CPA6: variants seen among roughly 807,000 people sequenced by gnomAD.
CPA6 encodes carboxypeptidase A6, also known as carboxypeptidase B.
CPA6 carries 58 observed loss-of-function variants against 63.3 expected under a neutral mutation model. The ratio of observed to expected loss-of-function variants is 0.92; its 90% CI spans 0.74 to 1.14. CPA6 has a LOEUF of 1.14. Among genes scored for constraint, CPA6 ranks in the 50% most tolerant of loss-of-function variants. The probability of loss-of-function intolerance (pLI) is 0.00; values close to 1 mark genes in which losing one functional copy is unlikely to be tolerated. For synonymous variants in CPA6, 185 were observed against 179.0 expected (o/e 1.03, Z -0.27); for missense variants, 565 against 526.6 (o/e 1.07, Z -0.71).
chr8:67,532,527 C>T (rs1026949462), intron 2 of CPA6, among the ~76,000 whole-genome samples: 1 of 151,782 alleles, frequency 6.6e-6, no homozygotes, highest in African/African-American at 2.4e-5. Context: ...ACAAAAAATA[C>T]GAAAATTAGC....
At chr8:67,606,233 G>A (rs949305053) in intron 2 of CPA6, among the ~76,000 whole-genome samples, 2 of 151,228 alleles carry the variant, frequency 1.3e-5, no homozygotes, top group Non-Finnish European at 2.9e-5. Context: ...CTAATGCTAA[G>A]TGATGAGTTA....
At chr8:67,670,363 C>T (rs572048014) in intron 1 of CPA6, among the ~76,000 whole-genome samples, 30 of 152,172 alleles carry the variant, frequency 2.0e-4, no homozygotes, top group African/African-American at 5.3e-4. Flanking sequence ...AACCAGATCT[C>T]GTGAGCACTT....
At chr8:67,657,120 G>A (rs908806165) in intron 1 of CPA6, among the ~76,000 whole-genome samples, 37 of 152,132 alleles carry the variant, frequency 2.4e-4, no homozygotes, top group African/African-American at 8.5e-4. Context: ...AGAAGAGTAT[G>A]GTTGCAAATC....
intron 2 of CPA6, among the ~76,000 whole-genome samples, chr8:67,573,529 C>CT: frequency 6.6e-6 from 1 of 151,922 alleles, no homozygotes; most frequent in East Asian, 1.9e-4. Flanking sequence ...ACAATAGTTA[C>CT]AAAAATGAAA....
intron 8 of CPA6, among the ~76,000 whole-genome samples, chr8:67,443,990 AGTT>A (rs1308649760): frequency 7.2e-6 from 1 of 139,358 alleles, no homozygotes; most frequent in Non-Finnish European, 1.5e-5. Flanking sequence ...AGACATCCGT[AGTT>A]TTTTTTTTTT....
At chr8:67,496,522 TATATATATATATATATA>T (rs1811716577) in intron 6 of CPA6, among the ~76,000 whole-genome samples, 1 of 15,652 alleles carries the variant, frequency 6.4e-5, no homozygotes, top group Non-Finnish European at 2.3e-4. Flanking sequence ...ATATAGTTTA[TATATATATATATATATA>T]TATATATATA....
intron 8 of CPA6, among the ~76,000 whole-genome samples, chr8:67,467,591 G>A (rs192738927): frequency 3.6e-4 from 55 of 152,176 alleles, no homozygotes; most frequent in African/African-American, 1.0e-3. Context: ...CATTCCTTGC[G>A]GTTTCTCTTC....
intron 6 of CPA6, among the ~76,000 whole-genome samples, chr8:67,499,613 C>T (rs1397426284): frequency 1.3e-5 from 2 of 152,196 alleles, no homozygotes; most frequent in East Asian, 3.9e-4. Flanking sequence ...ACACATTCCT[C>T]ATGTTGCCCT....
At chr8:67,663,637 C>G (rs888423258) in intron 1 of CPA6, among the ~76,000 whole-genome samples, 1 of 152,092 alleles carries the variant, frequency 6.6e-6, no homozygotes, top group Non-Finnish European at 1.5e-5. Flanking sequence ...GTTTTCTCTT[C>G]CCGCGTTAGT....
intron 1 of CPA6, among the ~76,000 whole-genome samples, chr8:67,649,350 T>C (rs143769674): frequency 6.6e-6 from 1 of 152,214 alleles, no homozygotes; most frequent in African/African-American, 2.4e-5. Context: ...AGGGAACTTG[T>C]CTCTTTGTAA....
chr8:67,703,239 T>C (rs1239549812), intron 1 of CPA6, among the ~76,000 whole-genome samples: 1 of 152,190 alleles, frequency 6.6e-6, no homozygotes, highest in African/African-American at 2.4e-5. Context: ...TGTCTTGGTC[T>C]CAGTGGCTCT....
intron 2 of CPA6, among the ~76,000 whole-genome samples, chr8:67,549,532 C>CA (rs1294665400): frequency 1.3e-5 from 2 of 152,186 alleles, no homozygotes; most frequent in Non-Finnish European, 2.9e-5. Flanking sequence ...TTTAAGTACA[C>CA]AACGCAGTAT....
chr8:67,693,737 A>G (rs998513588), intron 1 of CPA6, among the ~76,000 whole-genome samples: 3 of 152,170 alleles, frequency 2.0e-5, no homozygotes, highest in African/African-American at 7.2e-5. Flanking sequence ...TTCTTCTCAT[A>G]CTTTCCAGCC....
chr8:67,431,597 C>T (rs1810028760), intron 9 of CPA6, among the ~76,000 whole-genome samples: 1 of 151,918 alleles, frequency 6.6e-6, no homozygotes, highest in Non-Finnish European at 1.5e-5. Flanking sequence ...AGACACAGTG[C>T]CCACGTAAAA....
At chr8:67,542,741 A>G (rs1307740621) in intron 2 of CPA6, among the ~76,000 whole-genome samples, 1 of 152,214 alleles carries the variant, frequency 6.6e-6, no homozygotes, top group Non-Finnish European at 1.5e-5. Context: ...GATGCAGTAA[A>G]GCCAAGCAAG....
chr8:67,444,312 A>T (rs1236724030), intron 8 of CPA6, among the ~76,000 whole-genome samples: 5 of 152,102 alleles, frequency 3.3e-5, no homozygotes, highest in Non-Finnish European at 7.4e-5. Context: ...TGAATGAAAC[A>T]TTGAATAGAT....
chr8:67,554,525 T>A (rs1161661501), intron 2 of CPA6, among the ~76,000 whole-genome samples: 1 of 152,084 alleles, frequency 6.6e-6, no homozygotes, highest in Non-Finnish European at 1.5e-5. Context: ...CAACATAAGA[T>A]TTGGCAGGGA....
intron 6 of CPA6, among the ~76,000 whole-genome samples, chr8:67,492,876 T>C (rs1811636785): frequency 6.6e-6 from 1 of 151,952 alleles, no homozygotes; most frequent in Non-Finnish European, 1.5e-5. Context: ...GCATTATAAA[T>C]TGGATAGAAG....
chr8:67,713,083 ATG>A (rs368243285), intron 1 of CPA6, among the ~76,000 whole-genome samples: 4,553 of 74,698 alleles, frequency 0.061, 237 homozygotes, highest in Non-Finnish European at 0.082. Flanking sequence ...CTGTGTGTGT[ATG>A]TGTGTGTGTG....
Sources: gnomAD v4.1 joint callset for allele counts (sites outside exome capture counted in the v4.1 genomes callset) on GRCh38, gnomAD v4.1.1 for gene constraint, MANE v1.5 for transcripts, NCBI Gene and HGNC (gene_info 2026-07-23, HGNC 2026-07-21) for gene names.